MAP3K5: variants seen among roughly 807,000 people sequenced by gnomAD.
MAP3K5 encodes mitogen-activated protein kinase kinase kinase 5.
In MAP3K5, 56 loss-of-function variants were observed where a neutral mutation model predicts 158.7. That is an observed-to-expected ratio of 0.35 (90% CI 0.28 to 0.44). MAP3K5 has a LOEUF of 0.44. Ranked by LOEUF, MAP3K5 falls within the 20% of genes least tolerant of loss-of-function variation. The probability of loss-of-function intolerance (pLI) is 1.00; values close to 1 mark genes in which losing one functional copy is unlikely to be tolerated. For synonymous variants in MAP3K5, 579 were observed against 601.7 expected (o/e 0.96, Z 0.55); for missense variants, 1,294 against 1,674.8 (o/e 0.77, Z 3.97).
intron 1 of MAP3K5, among the ~76,000 whole-genome samples, chr6:136,735,252 A>G (rs1782405893): frequency 6.6e-6 from 1 of 152,238 alleles, no homozygotes; most frequent in Non-Finnish European, 1.5e-5. Context: ...GACTCTAGAA[A>G]ATTCTACAGG....
At chr6:136,597,741 C>A (rs1451675039) in intron 21 of MAP3K5, among the ~76,000 whole-genome samples, 1 of 152,212 alleles carries the variant, frequency 6.6e-6, no homozygotes, top group Non-Finnish European at 1.5e-5. Flanking sequence ...GTGCCAAGTG[C>A]ATAGCAGAGG....
At chr6:136,603,093 C>T (rs926317275) in intron 19 of MAP3K5, among the ~76,000 whole-genome samples, 1 of 151,652 alleles carries the variant, frequency 6.6e-6, no homozygotes, top group South Asian at 2.1e-4. Flanking sequence ...ATTATATAGC[C>T]GATACCATGT....
chr6:136,723,933 A>G (rs1254302790), intron 1 of MAP3K5, among the ~76,000 whole-genome samples: 1 of 152,148 alleles, frequency 6.6e-6, no homozygotes, highest in Non-Finnish European at 1.5e-5. Flanking sequence ...AACACATGAC[A>G]AAAGTGAGTC....
intron 1 of MAP3K5, among the ~76,000 whole-genome samples, chr6:136,767,525 AG>A (rs2114991841): frequency 6.6e-6 from 1 of 152,306 alleles, no homozygotes; most frequent in South Asian, 2.1e-4. Flanking sequence ...TGATCAGTTC[AG>A]TAGTCACTAG....
At chr6:136,790,675 T>C (rs1785037725) in intron 1 of MAP3K5, among the ~76,000 whole-genome samples, 1 of 152,190 alleles carries the variant, frequency 6.6e-6, no homozygotes. Flanking sequence ...GAAAACAAGA[T>C]TGGAAAATAA....
chr6:136,572,683 T>C (rs955362458), intron 25 of MAP3K5, among the ~76,000 whole-genome samples: 1 of 152,238 alleles, frequency 6.6e-6, no homozygotes, highest in Non-Finnish European at 1.5e-5. Flanking sequence ...TACGTATGTA[T>C]ATATGACGTA....
intron 8 of MAP3K5, among the ~76,000 whole-genome samples, chr6:136,659,799 G>T (rs923019529): frequency 6.6e-6 from 1 of 152,228 alleles, no homozygotes; most frequent in African/African-American, 2.4e-5. Flanking sequence ...GAATAGTGGT[G>T]TTGGCTGCGT....
At chr6:136,756,568 T>C (rs1167432430) in intron 1 of MAP3K5, among the ~76,000 whole-genome samples, 1 of 152,144 alleles carries the variant, frequency 6.6e-6, no homozygotes, top group African/African-American at 2.4e-5. Context: ...CGGAAGGGTA[T>C]TGCCTGTGTT....
At chr6:136,592,759 T>G in intron 21 of MAP3K5, 145 bp from the exon 22 acceptor site, 2 of 782,114 alleles carry the variant, frequency 2.6e-6, no homozygotes, top group South Asian at 1.4e-5. Context: ...GGAACGGTCA[T>G]GTGTTATGAC....
chr6:136,645,190 C>T (rs761580559), intron 11 of MAP3K5, among the ~76,000 whole-genome samples: 17 of 152,170 alleles, frequency 1.1e-4, no homozygotes, highest in Non-Finnish European at 1.6e-4. Flanking sequence ...GCTCTGGCCT[C>T]CCAAATTGCT....
At chr6:136,756,498 G>A (rs1334826629) in intron 1 of MAP3K5, among the ~76,000 whole-genome samples, 1 of 152,128 alleles carries the variant, frequency 6.6e-6, no homozygotes, top group East Asian at 1.9e-4. Flanking sequence ...GCCCAGGCTG[G>A]AGTGCAGTGG....
At chr6:136,772,536 C>T (rs1784249587) in intron 1 of MAP3K5, among the ~76,000 whole-genome samples, 1 of 152,092 alleles carries the variant, frequency 6.6e-6, no homozygotes, top group African/African-American at 2.4e-5. Context: ...AATGAATGCA[C>T]ATACAGTAGT....
chr6:136,652,310 G>C (rs779236113), intron 10 of MAP3K5, among the ~76,000 whole-genome samples: 1 of 152,126 alleles, frequency 6.6e-6, no homozygotes, highest in South Asian at 2.1e-4. Flanking sequence ...TATTAAAAAC[G>C]TTAAGGGCTC....
At chr6:136,689,730 T>C (rs2114636100) in intron 7 of MAP3K5, among the ~76,000 whole-genome samples, 1 of 152,264 alleles carries the variant, frequency 6.6e-6, no homozygotes, top group African/African-American at 2.4e-5. Flanking sequence ...AGAAGGCCCT[T>C]GACAGATGCT....
At chr6:136,623,528 T>C (rs866365820) in intron 14 of MAP3K5, among the ~76,000 whole-genome samples, 16 of 152,202 alleles carry the variant, frequency 1.1e-4, no homozygotes, top group African/African-American at 3.6e-4. Flanking sequence ...AAAACATTTT[T>C]TTAAGTGAAA....
At chr6:136,557,916 CAGA>C in intron 29 of MAP3K5, 98 bp from the exon 30 acceptor site, 1 of 813,070 alleles carries the variant, frequency 1.2e-6, no homozygotes, top group African/African-American at 1.7e-5. Flanking sequence ...CTGCTCTGGT[CAGA>C]AGAAGATCCC....
At chr6:136,779,263 A>G (rs1462964501) in intron 1 of MAP3K5, among the ~76,000 whole-genome samples, 1 of 151,846 alleles carries the variant, frequency 6.6e-6, no homozygotes, top group Non-Finnish European at 1.5e-5. Context: ...ACATAAATAA[A>G]TAATAAATAA....
chr6:136,742,126 G>T (rs1277134046), intron 1 of MAP3K5, among the ~76,000 whole-genome samples: 6 of 152,158 alleles, frequency 3.9e-5, no homozygotes, highest in African/African-American at 1.4e-4. Flanking sequence ...AAGTTATTTG[G>T]TGGATATTGA....
chr6:136,772,356 CT>C (rs1269566938), intron 1 of MAP3K5, among the ~76,000 whole-genome samples: 2 of 152,154 alleles, frequency 1.3e-5, no homozygotes, highest in African/African-American at 4.8e-5. Context: ...ACAGAAGACC[CT>C]GTAGAAGATA....
Sources: gnomAD v4.1 joint callset for allele counts (sites outside exome capture counted in the v4.1 genomes callset) on GRCh38, gnomAD v4.1.1 for gene constraint, MANE v1.5 for transcripts, NCBI Gene and HGNC (gene_info 2026-07-23, HGNC 2026-07-21) for gene names.